The following SPTBN1 variants were observed in gnomAD, a reference collection of about 807,000 sequenced individuals.
The protein encoded by SPTBN1 is spectrin beta, non-erythrocytic 1.
In SPTBN1, 32 loss-of-function variants were observed where a neutral mutation model predicts 266.4. The observed-to-expected ratio is 0.12, with a 90% CI of 0.09 to 0.16. SPTBN1 has a LOEUF of 0.16. Among genes scored for constraint, SPTBN1 ranks in the 10% least tolerant of loss-of-function variants. SPTBN1 has a pLI of 1.00. For synonymous variants in SPTBN1, 1,336 were observed against 1,162.2 expected (o/e 1.15, Z -3.04); for missense variants, 2,296 against 3,067.1 (o/e 0.75, Z 5.94).
At chr2:54,539,273 G>C (rs1159230184) in intron 2 of SPTBN1, among the ~76,000 whole-genome samples, 1 of 152,132 alleles carries the variant, frequency 6.6e-6, no homozygotes, top group Non-Finnish European at 1.5e-5. Flanking sequence ...CATGGTCAGA[G>C]CTATTAATTA....
intron 1 of SPTBN1, among the ~76,000 whole-genome samples, chr2:54,499,346 C>T (rs1034144277): frequency 6.6e-6 from 1 of 152,000 alleles, no homozygotes; most frequent in Non-Finnish European, 1.5e-5. Flanking sequence ...TAGACCATAC[C>T]ACCCGATGCA....
chr2:54,541,523 A>AT (rs2104397457), intron 2 of SPTBN1, among the ~76,000 whole-genome samples: 1 of 152,344 alleles, frequency 6.6e-6, no homozygotes, highest in South Asian at 2.1e-4. Context: ...TTGTGCATTC[A>AT]TTTAATCAGT....
Position 54,631,328 on chromosome 2 carries a change from T to G in SPTBN1, c.3281T>G (p.Leu1094Arg). 1 of 1,614,216 alleles carries G rather than the reference T, an allele frequency of 6.2e-7. No individual in the cohort carries two copies. The highest frequency in any genetic ancestry group is 8.5e-7 in the Non-Finnish European group (1 of 1,180,048). The change falls in exon 16 of 36, where the codon CTG becomes CGG. Residue 1094 changes from leucine (L) to arginine (R), a missense_variant. Around this residue, in one of 12 missense-constraint regions of SPTBN1, gnomAD observed 386 missense variants for 486.1 expected, o/e 0.79. Transcript: ENST00000356805. The stretch of plus-strand genomic sequence containing the variant: ...GCCTCGGAGGACATGCCAAACACCC[T>G]GACCGAGGCTGAGAAGCTGCTCACG... The part of the protein sequence containing the change: ...AIASEDMPNT[L>R]TEAEKLLTQH...
At chr2:54,486,578 T>A (rs896882158) in intron 1 of SPTBN1, among the ~76,000 whole-genome samples, 2 of 152,118 alleles carry the variant, frequency 1.3e-5, no homozygotes, top group African/African-American at 4.8e-5. Flanking sequence ...GGGACACAAA[T>A]ACTGTGGAAG....
intron 2 of SPTBN1, among the ~76,000 whole-genome samples, chr2:54,573,467 A>G (rs1674230232): frequency 1.3e-5 from 2 of 152,114 alleles, no homozygotes; most frequent in African/African-American, 4.8e-5. Context: ...CTTCCCATCC[A>G]CCACTCACCT....
chr2:54,514,821 C>T (rs1264803107), intron 1 of SPTBN1, among the ~76,000 whole-genome samples: 2 of 152,234 alleles, frequency 1.3e-5, no homozygotes, highest in African/African-American at 4.8e-5. Flanking sequence ...AACCTCCAAG[C>T]AGTCCTTGCT....
intron 26 of SPTBN1, among the ~76,000 whole-genome samples, chr2:54,651,313 C>A (rs953740670): frequency 2.6e-5 from 4 of 152,148 alleles, no homozygotes; most frequent in African/African-American, 9.7e-5. Context: ...CTCGGAACAT[C>A]CAGGGTGGGA....
intron 29 of SPTBN1, 98 bp downstream of exon 29, chr2:54,656,096 T>C: frequency 3.7e-6 from 4 of 1,076,476 alleles, no homozygotes; most frequent in Non-Finnish European, 5.3e-6. Flanking sequence ...CATTTAAAGA[T>C]TGTTCGAGTT....
intron 2 of SPTBN1, among the ~76,000 whole-genome samples, chr2:54,594,833 C>T (rs199828730): frequency 3.2e-3 from 335 of 104,574 alleles, no homozygotes; most frequent in African/African-American, 6.2e-3. Context: ...TGGTAAGTTT[C>T]TTTTTTTTTT....
In SPTBN1 at chr2:54,667,631, C is replaced by T. The variant is rs753548518; in HGVS notation, c.6861C>T (p.Phe2287=). The change falls in exon 35 of 36, where the codon TTC becomes TTT. Residue 2287 remains phenylalanine, a synonymous_variant. Transcript: ENST00000356805. ...TAAATGATGGCAATGAGTACCTCTT[C>T]CAAGCCAAAGACGATGTAAGTTTCT... ...LRLNDGNEYL[F]QAKDDEEMNT... is the part of the protein sequence containing the mutation. 1.5e-5 allele frequency: 25 copies of T among 1,613,742 alleles called. No individual in the cohort carries two copies. Among genetic ancestry groups the T allele is most frequent in the Non-Finnish European group, 1.9e-5 (22 of 1,179,770 alleles).
At chr2:54,593,673 G>T (rs1413681925) in intron 2 of SPTBN1, among the ~76,000 whole-genome samples, 1 of 152,058 alleles carries the variant, frequency 6.6e-6, no homozygotes, top group Non-Finnish European at 1.5e-5. Flanking sequence ...GCCATAGTGG[G>T]CCACAGAGAC....
At chr2:54,481,434 GTGTGTGTTT>G (rs1307761968) in intron 1 of SPTBN1, among the ~76,000 whole-genome samples, 1 of 78,980 alleles carries the variant, frequency 1.3e-5, no homozygotes, top group Non-Finnish European at 2.5e-5. Context: ...GTGTGTGTGT[GTGTGTGTTT>G]TGTTTTGTTT....
chr2:54,509,347 T>C (rs1026844138), intron 1 of SPTBN1, among the ~76,000 whole-genome samples: 4 of 152,018 alleles, frequency 2.6e-5, no homozygotes, highest in African/African-American at 9.7e-5. Context: ...AAAGAGTGAG[T>C]ACAGCTGAAG....
intron 32 of SPTBN1, chr2:54,662,374 G>T (rs530942350): frequency 7.2e-6 from 7 of 974,722 alleles, no homozygotes; most frequent in Middle Eastern, 5.2e-4. Flanking sequence ...ATACTGGTTT[G>T]GGGTTTTCTC....
intron 2 of SPTBN1, among the ~76,000 whole-genome samples, chr2:54,582,700 C>T (rs1402330007): frequency 6.6e-6 from 1 of 152,028 alleles, no homozygotes; most frequent in Non-Finnish European, 1.5e-5. Flanking sequence ...CAGTGTGGTC[C>T]ATTTAGGTTG....
At chr2:54,551,806 A>G (rs1672580724) in intron 2 of SPTBN1, among the ~76,000 whole-genome samples, 1 of 152,242 alleles carries the variant, frequency 6.6e-6, no homozygotes, top group South Asian at 2.1e-4. Flanking sequence ...TCCTATGGAT[A>G]GAAAAATATC....
chr2:54,619,787 G>A (rs1001977739), intron 7 of SPTBN1, among the ~76,000 whole-genome samples: 2 of 152,308 alleles, frequency 1.3e-5, no homozygotes, highest in South Asian at 2.1e-4. Flanking sequence ...GAGCCCTGGG[G>A]TAGGGAACAG....
At chr2:54,457,157 C>CA (rs1245920831) in intron 1 of SPTBN1, 1 of 130,578 alleles carries the variant, frequency 7.7e-6, no homozygotes, top group South Asian at 3.3e-4. Context: ...GCGCCCGCCC[C>CA]CCCCCCGCCC....
chr2:54,561,061 C>CT lies in SPTBN1; in HGVS notation c.148+34502dup, dbSNP rs1301660008. Among the ~76,000 whole-genome samples the CT allele has an allele frequency of 2.0e-5, 3 of 152,096 alleles. No homozygotes were observed. In the East Asian group the frequency reaches 5.8e-4, roughly 29 times the overall value. ...ATTTTGTACATTCCTGCAAGGGTGC[C>CT]TTTTTTTACTCTTCTGAGTATAATC... On this transcript the variant is annotated intron_variant, in intron 2 of 35. Coordinates refer to ENST00000356805, the MANE Select transcript of SPTBN1 (RefSeq NM_003128.3).
Sources: gnomAD v4.1 joint callset for allele counts (sites outside exome capture counted in the v4.1 genomes callset) on GRCh38, gnomAD v4.1.1 for gene constraint, gnomAD v4.1.1 regional missense constraint, MANE v1.5 for transcripts, NCBI Gene and HGNC (gene_info 2026-07-23, HGNC 2026-07-21) for gene names.